Variants in ANO4 observed in about 807,000 individuals in gnomAD.
The protein encoded by ANO4 is anoctamin 4, also known as anoctamin-4.
A neutral mutation model predicts 141.9 loss-of-function variants in ANO4; 69 were observed. The ratio of observed to expected loss-of-function variants is 0.49; its 90% CI spans 0.40 to 0.59. The LOEUF (loss-of-function observed/expected upper bound fraction) is 0.59. ANO4 is among the 20% of genes least tolerant of loss of function. The probability of loss-of-function intolerance (pLI) is 0.00; values close to 1 mark genes in which losing one functional copy is unlikely to be tolerated. For missense variants in ANO4, 894 were observed against 1,162.2 expected (o/e 0.77, Z 3.36); for synonymous variants, 350 against 394.3 (o/e 0.89, Z 1.33).
intron 22 of ANO4, among the ~76,000 whole-genome samples, chr12:101,109,430 G>C (rs1050627477): frequency 6.6e-6 from 1 of 152,056 alleles, no homozygotes; most frequent in Non-Finnish European, 1.5e-5. Flanking sequence ...TTGTGATGGC[G>C]GGCGCCTGTA....
intron 1 of ANO4, among the ~76,000 whole-genome samples, chr12:100,802,657 A>G (rs2034765174): frequency 6.6e-6 from 1 of 152,198 alleles, no homozygotes; most frequent in Non-Finnish European, 1.5e-5. Flanking sequence ...ACAAGTACTT[A>G]ATCGAGCACG....
intron 8 of ANO4, among the ~76,000 whole-genome samples, chr12:101,017,234 G>A (rs925782912): frequency 1.3e-5 from 2 of 152,190 alleles, no homozygotes; most frequent in Non-Finnish European, 2.9e-5. Context: ...GTGTTGGCAG[G>A]CAGGAGAGAT....
At chr12:100,906,980 A>G (rs973467503) in intron 2 of ANO4, among the ~76,000 whole-genome samples, 1 of 152,200 alleles carries the variant, frequency 6.6e-6, no homozygotes, top group Non-Finnish European at 1.5e-5. Context: ...GATTGACGAC[A>G]TTCAGAGAAT....
intron 14 of ANO4, among the ~76,000 whole-genome samples, chr12:101,064,695 T>TAAC (rs1338635731): frequency 1.4e-5 from 2 of 146,644 alleles, no homozygotes; most frequent in Non-Finnish European, 3.0e-5. Context: ...ATAATAATAA[T>TAAC]AAAAGATTAG....
At chr12:100,844,778 AGCC>A (rs202175262) in intron 1 of ANO4, among the ~76,000 whole-genome samples, 1,832 of 26,984 alleles carry the variant, frequency 0.068, 28 homozygotes, top group African/African-American at 0.14. Context: ...TAAAATAGTC[AGCC>A]GGAGGGATAG....
chr12:100,844,273 T>G (rs2037444237), intron 1 of ANO4, among the ~76,000 whole-genome samples: 1 of 152,102 alleles, frequency 6.6e-6, no homozygotes, highest in Non-Finnish European at 1.5e-5. Context: ...ATGATAAGTT[T>G]CAGATCTGGG....
chr12:100,737,131 T>C (rs12299546), intron 2 of ANO4, among the ~76,000 whole-genome samples: 42,881 of 151,936 alleles, frequency 0.28, 6,327 homozygotes, highest in East Asian at 0.47. Context: ...TCAAATTGGC[T>C]GAAACGATAG....
At chr12:100,853,636 C>A (rs2038004746) in intron 1 of ANO4, among the ~76,000 whole-genome samples, 1 of 151,808 alleles carries the variant, frequency 6.6e-6, no homozygotes, top group Non-Finnish European at 1.5e-5. Context: ...CCATTTTTTT[C>A]CTGTTCAGAA....
At chr12:101,016,377 A>G (rs35946759) in intron 8 of ANO4, among the ~76,000 whole-genome samples, 45,945 of 151,862 alleles carry the variant, frequency 0.3, 7,576 homozygotes, top group Non-Finnish European at 0.38. Flanking sequence ...TCTTTTAAAC[A>G]ACCAGCTCTT....
chr12:100,775,238 T>C (rs1403036239), intron 3 of ANO4, among the ~76,000 whole-genome samples: 1 of 152,202 alleles, frequency 6.6e-6, no homozygotes, highest in Non-Finnish European at 1.5e-5. Flanking sequence ...AAATTATTTT[T>C]TCATCCCCAA....
At chr12:101,094,380 G>A in intron 18 of ANO4, 88 bp downstream of exon 18, 1 of 1,039,756 alleles carries the variant, frequency 9.6e-7, no homozygotes, top group Non-Finnish European at 1.4e-6. Context: ...CTGCTGGAAA[G>A]AAATAGTCCC....
chr12:100,942,318 C>G, intron 4 of ANO4, 59 bp from the exon 5 acceptor site: 1 of 1,555,946 alleles, frequency 6.4e-7, no homozygotes, highest in Non-Finnish European at 8.7e-7. Context: ...TTTAACATTA[C>G]TCACTTGAAC....
chr12:100,853,229 C>T (rs1045411080), intron 1 of ANO4, among the ~76,000 whole-genome samples: 1 of 152,082 alleles, frequency 6.6e-6, no homozygotes, highest in South Asian at 2.1e-4. Flanking sequence ...AACATCTTCT[C>T]CTAATAAGTA....
intron 8 of ANO4, among the ~76,000 whole-genome samples, chr12:101,011,556 G>T (rs758569362): frequency 2.1e-4 from 32 of 152,064 alleles, no homozygotes; most frequent in Non-Finnish European, 3.8e-4. Flanking sequence ...ACCTGTGAAT[G>T]AAAAAGACAA....
chr12:100,973,863 C>G (rs553886914), intron 6 of ANO4, among the ~76,000 whole-genome samples: 1 of 152,180 alleles, frequency 6.6e-6, no homozygotes, highest in Non-Finnish European at 1.5e-5. Flanking sequence ...CCTTCCTTCT[C>G]CCCCGACCTG....
chr12:101,061,389 G>A (rs2048338145), intron 14 of ANO4, among the ~76,000 whole-genome samples: 1 of 151,552 alleles, frequency 6.6e-6, no homozygotes. Context: ...GAGTATCTTT[G>A]TAGTGTTCTC....
At chr12:101,004,809 A>G (rs1482708548) in intron 8 of ANO4, among the ~76,000 whole-genome samples, 1 of 152,182 alleles carries the variant, frequency 6.6e-6, no homozygotes, top group East Asian at 1.9e-4. Context: ...ATTGAAAATA[A>G]GAAGAGGAAG....
intron 5 of ANO4, among the ~76,000 whole-genome samples, chr12:100,970,822 G>A (rs2043901461): frequency 6.6e-6 from 1 of 151,910 alleles, no homozygotes; most frequent in Non-Finnish European, 1.5e-5. Flanking sequence ...GGGTTCAAGC[G>A]ATTCTCCCGC....
intron 1 of ANO4, among the ~76,000 whole-genome samples, chr12:100,816,091 A>C (rs1251448750): frequency 6.6e-6 from 1 of 152,094 alleles, no homozygotes; most frequent in Non-Finnish European, 1.5e-5. Context: ...TTCCCAAAGC[A>C]TTTAAAATAT....
Sources: gnomAD v4.1 joint callset for allele counts (sites outside exome capture counted in the v4.1 genomes callset) on GRCh38, gnomAD v4.1.1 for gene constraint, MANE v1.5 for transcripts, NCBI Gene and HGNC (gene_info 2026-07-23, HGNC 2026-07-21) for gene names.